The following CYP2U1 variants were observed in gnomAD, a reference collection of about 807,000 sequenced individuals.
CYP2U1 encodes cytochrome P450 2U1.
Under a neutral mutation model 42.8 loss-of-function variants are expected in CYP2U1, and 28 were observed. The observed-to-expected ratio is 0.65, with a 90% CI of 0.48 to 0.90. The LOEUF is 0.90. Ranked by LOEUF, CYP2U1 falls within the 40% of genes least tolerant of loss-of-function variation. The probability of loss-of-function intolerance (pLI) is 0.00; values close to 1 mark genes in which losing one functional copy is unlikely to be tolerated. For synonymous variants in CYP2U1, 296 were observed against 278.9 expected (o/e 1.06, Z -0.61); for missense variants, 642 against 693.8 (o/e 0.93, Z 0.84).
rs988239017 is a variant in CYP2U1 at position 107,931,706 on chromosome 4, G to A, written c.63G>A (p.Leu21=). Residue 21 remains leucine, a synonymous_variant, in exon 1 of 5, where the codon CTG becomes CTA. Coordinates refer to ENST00000332884, the MANE Select transcript of CYP2U1 (RefSeq NM_183075.3). ...ACCCGCCCTGGCCCGCGCGCCTCCTGCGTGCGCCTCTGGGGCTGCTGCGGC... is the reference window on the plus strand; with the variant it reads ...ACCCGCCCTGGCCCGCGCGCCTCCTACGTGCGCCTCTGGGGCTGCTGCGGC... ...AEDPPWPARL[L]RAPLGLLRLD... 2 of 1,352,382 alleles carry A rather than the reference G, an allele frequency of 1.5e-6. No individual in the cohort carries two copies. Among genetic ancestry groups the A allele is most frequent in the African/African-American group, 1.5e-5 (1 of 64,896 alleles). 83.8% of individuals were successfully genotyped at this position (1,352,382 alleles called of 1,614,324 possible). A position where few individuals can be genotyped will look rare whatever the true frequency, so the allele number is the denominator to read the frequency against.
In CYP2U1 at chr4:107,951,950, A is replaced by G. The variant is rs1733923171; in HGVS notation, c.*1527A>G. 6.6e-6 allele frequency: 1 copy of G among 152,240 alleles called. No individual in the cohort carries two copies. Among genetic ancestry groups the G allele is most frequent in the Non-Finnish European group, 1.5e-5 (1 of 68,070 alleles). The allele number at this position is 152,240 out of a possible 1,614,324, so 9.4% of individuals were successfully genotyped here. On this transcript the variant is annotated 3_prime_UTR_variant, in exon 5 of 5. Coordinates refer to ENST00000332884, the MANE Select transcript of CYP2U1 (RefSeq NM_183075.3). ...TTCAAACCTACTGGTCTCTGTGACT[A>G]AAGAACACTTTCAGAACCACTTCTT...
At chr4:107,935,119 C>T (rs1245986840) in intron 1 of CYP2U1, among the ~76,000 whole-genome samples, 1 of 152,128 alleles carries the variant, frequency 6.6e-6, no homozygotes, top group Non-Finnish European at 1.5e-5. Context: ...GTGTCTGTCT[C>T]TTCCTCTGGA....
rs1733643345 is a variant in CYP2U1, at chr4:107,944,984, C to T, written c.505C>T (p.His169Tyr). The change falls in exon 2 of 5, where the codon CAT (histidine) becomes TAT (tyrosine). Residue 169 changes from histidine (H) to tyrosine (Y), a missense_variant. Coordinates refer to ENST00000332884, the MANE Select transcript of CYP2U1 (RefSeq NM_183075.3). ...TCCCTTTGCAGGGGTTGTGTTTGCA[C>T]ATTATGGTCCCGTCTGGAGACAACA... is the stretch of plus-strand genomic sequence containing the variant. ...VTKEKGVVFA[H>Y]YGPVWRQQRK... 6.2e-7 allele frequency: 1 copy of T among 1,610,366 alleles called. No individual in the cohort carries two copies.
chr4:107,932,677 T>G (rs946674217), intron 1 of CYP2U1, among the ~76,000 whole-genome samples: 3 of 152,220 alleles, frequency 2.0e-5, no homozygotes, highest in Admixed American at 1.3e-4. Context: ...TGGACATTTT[T>G]GGGGGTTGGA....
chr4:107,931,653 C>T lies in CYP2U1; in HGVS notation c.10C>T (p.Pro4Ser), dbSNP rs371029660. The part of the protein sequence containing the change: MSS[P>S]GPSQPPAEDP... ...CGCCGGCGCCCGGACCATGTCGTCT[C>T]CGGGGCCGTCGCAGCCGCCGGCCGA... The change falls in exon 1 of 5, where the codon CCG (proline) becomes TCG (serine). Residue 4 changes from proline (P) to serine (S), a missense_variant. Physicochemically the swap from Pro to Ser is moderately conservative, Grantham distance 74 (BLOSUM62 -1). Coordinates refer to ENST00000332884, the MANE Select transcript of CYP2U1 (RefSeq NM_183075.3). The T allele has an allele frequency of 6.3e-4, 794 of 1,259,394 alleles. 7 individuals are homozygous for T. In the African/African-American group the frequency reaches 0.012, roughly 18 times the overall value. The allele number at this position is 1,259,394 out of a possible 1,614,324, so 78.0% of individuals were successfully genotyped here.
At chr4:107,941,445 T>C (rs1480183120) in intron 1 of CYP2U1, among the ~76,000 whole-genome samples, 2 of 152,096 alleles carry the variant, frequency 1.3e-5, no homozygotes, top group Admixed American at 1.3e-4. Flanking sequence ...CTATTGGACA[T>C]ATAGAGAGGA....
intron 3 of CYP2U1, among the ~76,000 whole-genome samples, chr4:107,948,843 TTAGA>T (rs1487927862): frequency 6.6e-6 from 1 of 152,142 alleles, no homozygotes; most frequent in African/African-American, 2.4e-5. Flanking sequence ...TTGGTACAAG[TTAGA>T]TAGACTGTTT....
chr4:107,943,257 C>T (rs1733563192), intron 1 of CYP2U1, among the ~76,000 whole-genome samples: 2 of 152,216 alleles, frequency 1.3e-5, no homozygotes, highest in African/African-American at 4.8e-5. Flanking sequence ...AACACGCTTT[C>T]AGAGTACTCT....
intron 1 of CYP2U1, among the ~76,000 whole-genome samples, chr4:107,944,136 T>A (rs1733594522): frequency 6.6e-6 from 1 of 152,166 alleles, no homozygotes; most frequent in Non-Finnish European, 1.5e-5. Context: ...TAACAACCTC[T>A]CCTATGTACC....
chr4:107,948,804 A>G (rs942171710), intron 3 of CYP2U1, among the ~76,000 whole-genome samples: 7 of 152,138 alleles, frequency 4.6e-5, no homozygotes, highest in African/African-American at 1.4e-4. Context: ...TTGCTTATAC[A>G]TGACATTGGA....
intron 1 of CYP2U1, among the ~76,000 whole-genome samples, chr4:107,932,523 T>G (rs1553936308): frequency 1.3e-5 from 2 of 152,238 alleles, no homozygotes; most frequent in Non-Finnish European, 2.9e-5. Flanking sequence ...AAGGATATTC[T>G]TTTTACCTTG....
In CYP2U1 at chr4:107,950,493, T is replaced by A; in HGVS notation, c.*70T>A. On this transcript the variant is annotated 3_prime_UTR_variant, in exon 5 of 5. Transcript: ENST00000332884. Reference sequence around the variant, plus strand: ...ATCCTTCTAAGCAGATTCTTCCTACTGCAAAGGACAGTGAATCCAGCAACT... The same window carrying A: ...ATCCTTCTAAGCAGATTCTTCCTACAGCAAAGGACAGTGAATCCAGCAACT... 6.9e-7 allele frequency: 1 copy of A among 1,454,634 alleles called. No individual in the cohort carries two copies. Among genetic ancestry groups the A allele is most frequent in the Non-Finnish European group, 9.1e-7 (1 of 1,094,766 alleles). 90.1% of individuals were successfully genotyped at this position (1,454,634 alleles called of 1,614,324 possible). A position where few individuals can be genotyped will look rare whatever the true frequency, so the allele number is the denominator to read the frequency against.
chr4:107,946,019 G>A (rs1433703308), intron 2 of CYP2U1, among the ~76,000 whole-genome samples: 1 of 152,162 alleles, frequency 6.6e-6, no homozygotes, highest in African/African-American at 2.4e-5. Flanking sequence ...AATAGATACT[G>A]AAAGTCTGTG....
chr4:107,949,466 G>A lies in CYP2U1; in HGVS notation c.1405G>A (p.Asp469Asn), dbSNP rs755180651. The A allele has an allele frequency of 3.7e-6, 6 of 1,608,648 alleles. No individual in the cohort carries two copies. In the East Asian group the frequency reaches 1.3e-4, roughly 36 times the overall value. ...PEDFYPNRFL[D>N]DQGQLIKKET... ...GGATTTCTACCCTAATCGATTTCTG[G>A]ATGACCAAGGACAACTAATTAAAAA... The change falls in exon 4 of 5, where the codon GAT becomes AAT. Residue 469 changes from aspartate (D) to asparagine (N), a missense_variant. Transcript: ENST00000332884.
chr4:107,951,520 G>C lies in CYP2U1; in HGVS notation c.*1097G>C, dbSNP rs1034582864. The C allele has an allele frequency of 6.6e-6, 1 of 152,170 alleles. No homozygotes were observed. The highest frequency in any genetic ancestry group is 2.4e-5 in the African/African-American group (1 of 41,426). 9.4% of individuals were successfully genotyped at this position (152,170 alleles called of 1,614,324 possible). A position where few individuals can be genotyped will look rare whatever the true frequency, so the allele number is the denominator to read the frequency against. On this transcript the variant is annotated 3_prime_UTR_variant, in exon 5 of 5. Transcript: ENST00000332884. ...GCAGGGGTGGTAACCCCTTCAGAGGGAGTTTGGAAATGTGTGGGTATGATT... is the reference window on the plus strand; with the variant it reads ...GCAGGGGTGGTAACCCCTTCAGAGGCAGTTTGGAAATGTGTGGGTATGATT...
chr4:107,934,661 T>C (rs1007593298), intron 1 of CYP2U1, among the ~76,000 whole-genome samples: 5 of 152,178 alleles, frequency 3.3e-5, no homozygotes, highest in Admixed American at 2.0e-4. Context: ...GCCTTTCTCT[T>C]TTTTAGCTCT....
chr4:107,941,822 T>C (rs1210083913), intron 1 of CYP2U1, among the ~76,000 whole-genome samples: 3 of 152,046 alleles, frequency 2.0e-5, no homozygotes, highest in Non-Finnish European at 4.4e-5. Flanking sequence ...TGTTCCAATT[T>C]TAGACAAATT....
intron 1 of CYP2U1, among the ~76,000 whole-genome samples, chr4:107,933,675 AG>A (rs1482753469): frequency 6.6e-6 from 1 of 152,212 alleles, no homozygotes; most frequent in Non-Finnish European, 1.5e-5. Context: ...ACAAAACCCT[AG>A]GATGCTCAAG....
intron 1 of CYP2U1, chr4:107,940,011 C>T (rs1321904745): frequency 1.3e-5 from 2 of 151,972 alleles, no homozygotes; most frequent in African/African-American, 4.8e-5. Context: ...TGGACCTTAG[C>T]ATAGAAAATG....
Sources: gnomAD v4.1 joint callset for allele counts (sites outside exome capture counted in the v4.1 genomes callset) on GRCh38, gnomAD v4.1.1 for gene constraint, MANE v1.5 for transcripts, NCBI Gene and HGNC (gene_info 2026-07-23, HGNC 2026-07-21) for gene names.